FBXO34: variants seen among roughly 807,000 people sequenced by gnomAD.
FBXO34 encodes the protein F-box only protein 34.
FBXO34 carries 12 observed loss-of-function variants against 24.5 expected under a neutral mutation model. The observed-to-expected ratio is 0.49, with a 90% CI of 0.31 to 0.79. The LOEUF (loss-of-function observed/expected upper bound fraction) is 0.79, where lower values mean the gene tolerates loss of function less well. Among genes scored for constraint, FBXO34 ranks in the 30% least tolerant of loss-of-function variants. The pLI is 0.04. For missense variants in FBXO34, 823 were observed against 857.7 expected (o/e 0.96, Z 0.51); for synonymous variants, 320 against 311.9 (o/e 1.03, Z -0.27).
chr14:55,388,996 T>G, the FBXO34 span, among the ~76,000 whole-genome samples: 1 of 152,268 alleles, frequency 6.6e-6, no homozygotes, highest in African/African-American at 2.4e-5. Flanking sequence ...CGTTCAAGCA[T>G]GTGATCATTT....
the FBXO34 span, chr14:55,435,736 A>G: frequency 1.3e-6 from 1 of 788,526 alleles, no homozygotes; most frequent in Non-Finnish European, 2.0e-6. Context: ...AAGCTTTTTC[A>G]GTAACAATTT....
At chr14:55,356,634 A>G (rs8011818), downstream of FBXO34, among the ~76,000 whole-genome samples, 1 of 131,936 alleles carries the variant, frequency 7.6e-6, no homozygotes. Context: ...TTATTTTTTT[A>G]TTTTTACTAG....
chr14:55,400,909 T>TAAAATA, the FBXO34 span, among the ~76,000 whole-genome samples: 359 of 143,350 alleles, frequency 2.5e-3, 1 homozygote, highest in African/African-American at 9.0e-3. Flanking sequence ...CTCAAATAAA[T>TAAAATA]AAATAAAATA....
chr14:55,299,133 C>T, intron 1 of FBXO34: 1 of 1,247,408 alleles, frequency 8.0e-7, no homozygotes. Context: ...ACAGGAGGAA[C>T]CAGACAAGAA....
chr14:55,376,276 A>G, the FBXO34 span, among the ~76,000 whole-genome samples: 4 of 152,246 alleles, frequency 2.6e-5, no homozygotes, highest in African/African-American at 9.6e-5. Context: ...ATAGTGGCCC[A>G]ATAAATATTA....
downstream of FBXO34, among the ~76,000 whole-genome samples, chr14:55,373,992 C>G (rs542669853): frequency 6.6e-6 from 1 of 152,210 alleles, no homozygotes; most frequent in East Asian, 1.9e-4. Flanking sequence ...TTAGATGTGA[C>G]TCACAGCCTA....
chr14:55,377,568 CAT>C, the FBXO34 span, among the ~76,000 whole-genome samples: 2 of 152,132 alleles, frequency 1.3e-5, no homozygotes, highest in East Asian at 1.9e-4. Flanking sequence ...ACTCCAGGAA[CAT>C]GTGGGTTCTT....
At chr14:55,415,597 G>A in the FBXO34 span, among the ~76,000 whole-genome samples, 1 of 152,150 alleles carries the variant, frequency 6.6e-6, no homozygotes, top group Non-Finnish European at 1.5e-5. Context: ...GGGCGTGGTG[G>A]CTCACACCTG....
At chr14:55,379,540 G>A in the FBXO34 span, among the ~76,000 whole-genome samples, 1 of 152,080 alleles carries the variant, frequency 6.6e-6, no homozygotes, top group Non-Finnish European at 1.5e-5. Context: ...GTGAGACCCT[G>A]TCTTAAGAAA....
chr14:55,355,529 A>G (rs1262767286), downstream of FBXO34, among the ~76,000 whole-genome samples: 1 of 152,254 alleles, frequency 6.6e-6, no homozygotes, highest in Non-Finnish European at 1.5e-5. Flanking sequence ...TTTGTACTGA[A>G]CATACACACT....
chr14:55,371,847 C>A (rs1884826190), downstream of FBXO34, among the ~76,000 whole-genome samples: 1 of 152,012 alleles, frequency 6.6e-6, no homozygotes, highest in Non-Finnish European at 1.5e-5. Flanking sequence ...ACTAGGGGTG[C>A]TCTCAAGTTT....
chr14:55,380,081 C>T, the FBXO34 span, among the ~76,000 whole-genome samples: 1 of 152,074 alleles, frequency 6.6e-6, no homozygotes, highest in Non-Finnish European at 1.5e-5. Flanking sequence ...ACCCCCCTCA[C>T]TCCTAGAAAT....
chr14:55,434,959 G>C, the FBXO34 span, among the ~76,000 whole-genome samples: 2 of 152,070 alleles, frequency 1.3e-5, no homozygotes, highest in African/African-American at 4.8e-5. Context: ...CTGGCAAATC[G>C]TTAAAAGTTG....
chr14:55,432,245 C>CAA, the FBXO34 span, among the ~76,000 whole-genome samples: 1,008 of 121,950 alleles, frequency 8.3e-3, 14 homozygotes, highest in Middle Eastern at 0.021. Flanking sequence ...CCCGTCTCTA[C>CAA]AAAAAAAAAA....
the FBXO34 span, among the ~76,000 whole-genome samples, chr14:55,429,379 G>A: frequency 1.3e-5 from 2 of 152,228 alleles, no homozygotes; most frequent in African/African-American, 4.8e-5. Flanking sequence ...GTGGGGCCGA[G>A]CAATCTGTCT....
At chr14:55,369,828 C>A, downstream of FBXO34, 1 of 1,614,214 alleles carries the variant, frequency 6.2e-7, no homozygotes. Flanking sequence ...TCATCGCTGA[C>A]GCGCTCATCT....
intron 1 of FBXO34, among the ~76,000 whole-genome samples, chr14:55,329,916 T>C (rs1358144820): frequency 2.0e-5 from 3 of 152,090 alleles, no homozygotes; most frequent in African/African-American, 7.2e-5. Context: ...ATTTTTAAAC[T>C]GCTTGACTGG....
At chr14:55,394,636 C>A in the FBXO34 span, among the ~76,000 whole-genome samples, 1 of 152,164 alleles carries the variant, frequency 6.6e-6, no homozygotes, top group Non-Finnish European at 1.5e-5. Flanking sequence ...ACTACCACGA[C>A]CAAAGAGCTC....
the FBXO34 span, chr14:55,381,972 G>C: frequency 6.2e-7 from 1 of 1,613,656 alleles, no homozygotes; most frequent in East Asian, 2.2e-5. Context: ...CAGGCCCCTG[G>C]GTTGTTTTCT....
Sources: allele counts gnomAD v4.1 joint callset (sites outside exome capture counted in the v4.1 genomes callset), GRCh38; gene constraint gnomAD v4.1.1; transcripts MANE v1.5; gene names NCBI Gene and HGNC (gene_info 2026-07-23, HGNC 2026-07-21).